The following TTC23L variants were observed in gnomAD, a reference collection of about 807,000 sequenced individuals.
TTC23L encodes tetratricopeptide repeat domain 23 like, also known as tetratricopeptide repeat protein 23-like.
A neutral mutation model predicts 48.1 loss-of-function variants in TTC23L; 42 were observed. That is an observed-to-expected ratio of 0.87 (90% CI 0.68 to 1.13). The LOEUF (loss-of-function observed/expected upper bound fraction) is 1.13, where lower values mean the gene tolerates loss of function less well. TTC23L is among the 50% of genes most tolerant of loss of function. The pLI, the probability that TTC23L is intolerant of heterozygous loss-of-function variation, is 0.00. For synonymous variants in TTC23L, 159 were observed against 157.2 expected (o/e 1.01, Z -0.09); for missense variants, 391 against 421.0 (o/e 0.93, Z 0.62).
At chr5:34,923,183 C>T in the TTC23L span, 48 of 1,614,016 alleles carry the variant, frequency 3.0e-5, no homozygotes, top group South Asian at 4.4e-5. Context: ...TTGTGGACCA[C>T]GTGTTTACTT....
At chr5:34,870,133 T>C (rs1036769352) in intron 8 of TTC23L, among the ~76,000 whole-genome samples, 6 of 151,958 alleles carry the variant, frequency 3.9e-5, no homozygotes, top group African/African-American at 1.2e-4. Flanking sequence ...TCTTATATAC[T>C]AATTTTTAAC....
intron 9 of TTC23L, among the ~76,000 whole-genome samples, chr5:34,894,883 A>AATG (rs79554898): frequency 0.13 from 19,078 of 150,844 alleles, 2,326 homozygotes; most frequent in African/African-American, 0.33. Context: ...TGAGAGTGTT[A>AATG]ATGATGATGA....
intron 2 of TTC23L, among the ~76,000 whole-genome samples, chr5:34,842,591 G>A (rs1758778885): frequency 6.6e-6 from 1 of 152,118 alleles, no homozygotes; most frequent in South Asian, 2.1e-4. Flanking sequence ...ATGGTGAGAA[G>A]GGGGGTGGAA....
rs768901661 is a variant in TTC23L, at chr5:34,850,955, A to C, written c.379+647A>C. 5.9e-5 allele frequency among the ~76,000 whole-genome samples: 9 copies of C among 152,334 alleles called. 1 individual carries two copies. The South Asian group carries it at 1.4e-3, about 25-fold the overall frequency. ...AGAGCGCATTTCAGGAACCAGGGAC[A>C]TAGCCAGCTCAAGACTCTCTGTTCC... On this transcript the variant is annotated intron_variant, in intron 4 of 10. Transcript: ENST00000505624.
intron 4 of TTC23L, among the ~76,000 whole-genome samples, chr5:34,852,297 G>C (rs1759740756): frequency 6.6e-6 from 1 of 152,176 alleles, no homozygotes; most frequent in South Asian, 2.1e-4. Flanking sequence ...TCGTTACACA[G>C]AATATTGTAG....
intron 4 of TTC23L, among the ~76,000 whole-genome samples, chr5:34,854,085 C>T (rs1759907920): frequency 6.6e-6 from 1 of 152,134 alleles, no homozygotes. Context: ...AATTAGATTC[C>T]AAGTTAAGTC....
intron 2 of TTC23L, 37 bp downstream of exon 2, chr5:34,840,776 C>T (rs1418028871): frequency 5.0e-6 from 8 of 1,595,520 alleles, no homozygotes; most frequent in Non-Finnish European, 6.9e-6. Flanking sequence ...CAGGTACTTA[C>T]TGGGCTGAAA....
the TTC23L span, chr5:34,908,562 C>T: frequency 2.1e-6 from 1 of 482,674 alleles, no homozygotes; most frequent in Non-Finnish European, 3.7e-6. Context: ...TCTATGACTA[C>T]AGGAAAACAT....
chr5:34,872,747 T>C (rs1761552546), intron 8 of TTC23L, among the ~76,000 whole-genome samples: 1 of 152,178 alleles, frequency 6.6e-6, no homozygotes, highest in Non-Finnish European at 1.5e-5. Context: ...ATTCACTACA[T>C]GGAATTTTGT....
At chr5:34,917,508 C>T in the TTC23L span, among the ~76,000 whole-genome samples, 4 of 150,444 alleles carry the variant, frequency 2.7e-5, no homozygotes, top group Non-Finnish European at 5.9e-5. Flanking sequence ...GGTGCAGTGG[C>T]GGGCACCTGT....
chr5:34,863,120 T>C lies in TTC23L; in HGVS notation c.536+66T>C. 2 of 1,591,962 alleles carry C rather than the reference T, an allele frequency of 1.3e-6. No homozygotes were observed. The highest frequency in any genetic ancestry group is 2.3e-5 in the South Asian group (2 of 88,540). The stretch of plus-strand genomic sequence containing the variant: ...CAGGCCACACATGCCAGATGGGTCA[T>C]CTCATACAGGAGGGTGGGAGATGGA... On this transcript the variant is annotated intron_variant, in intron 5 of 10. Coordinates refer to ENST00000505624, the Ensembl canonical transcript of TTC23L. This position sits in a 1 kb window ranked among gnomAD's most constrained non-coding sequence, Gnocchi z 4.1.
chr5:34,889,191 G>A (rs1171169149), intron 9 of TTC23L, among the ~76,000 whole-genome samples: 1 of 152,132 alleles, frequency 6.6e-6, no homozygotes, highest in Non-Finnish European at 1.5e-5. Context: ...AACTGAGCTA[G>A]GTCCTATTCA....
chr5:34,875,182 CAA>C (rs970115556), intron 8 of TTC23L, among the ~76,000 whole-genome samples: 3 of 152,210 alleles, frequency 2.0e-5, no homozygotes, highest in Admixed American at 6.5e-5. Context: ...ACGTGCCTAA[CAA>C]GAGTTTCAAA....
chr5:34,914,527 C>T, the TTC23L span: 1 of 671,074 alleles, frequency 1.5e-6, no homozygotes, highest in South Asian at 2.1e-5. Context: ...CAAGTAATGA[C>T]GTTTTGTTCT....
chr5:34,915,047 G>A, the TTC23L span: 1 of 726,458 alleles, frequency 1.4e-6, no homozygotes, highest in Non-Finnish European at 2.2e-6. Flanking sequence ...AAGGGGCTGG[G>A]AGGCTGAACA....
downstream of TTC23L, among the ~76,000 whole-genome samples, chr5:34,904,240 G>A (rs1315765012): frequency 1.3e-5 from 2 of 151,294 alleles, no homozygotes; most frequent in East Asian, 2.0e-4. Flanking sequence ...AAAGTGCTGG[G>A]ACTACAGGTG....
intron 9 of TTC23L, among the ~76,000 whole-genome samples, chr5:34,887,128 G>A (rs1353067114): frequency 6.6e-6 from 1 of 152,186 alleles, no homozygotes; most frequent in African/African-American, 2.4e-5. Flanking sequence ...CATCAGGTTC[G>A]CAGGGAGTTT....
intron 4 of TTC23L, among the ~76,000 whole-genome samples, chr5:34,854,907 T>A (rs112866099): frequency 1.1e-4 from 16 of 152,304 alleles, no homozygotes; most frequent in African/African-American, 3.8e-4. Flanking sequence ...ATGTAATTGA[T>A]TTAAATAATG....
intron 3 of TTC23L, among the ~76,000 whole-genome samples, chr5:34,847,748 TA>T (rs36041264): frequency 6.6e-6 from 1 of 152,212 alleles, no homozygotes; most frequent in African/African-American, 2.4e-5. Context: ...TGGTGAACTC[TA>T]AAAAATGCTG....
Sources: gnomAD v4.1 joint callset for allele counts (sites outside exome capture counted in the v4.1 genomes callset) on GRCh38, gnomAD v4.1.1 for gene constraint, Gnocchi (gnomAD v3.1) non-coding constraint, MANE v1.5 for transcripts, NCBI Gene and HGNC (gene_info 2026-07-23, HGNC 2026-07-21) for gene names.